The following TGM5 variants were observed in gnomAD, a reference collection of about 807,000 sequenced individuals.
The protein encoded by TGM5 is protein-glutamine gamma-glutamyltransferase 5.
A neutral mutation model predicts 77.2 loss-of-function variants in TGM5; 69 were observed. That is an observed-to-expected ratio of 0.89 (90% CI 0.74 to 1.09). The LOEUF is 1.09. Ranked by LOEUF, TGM5 falls within the 50% of genes least tolerant of loss-of-function variation. The pLI, the probability that TGM5 is intolerant of heterozygous loss-of-function variation, is 0.00. For missense variants in TGM5, 842 were observed against 896.5 expected, an observed-to-expected ratio of 0.94 and a Z score of 0.78; for synonymous variants, 346 against 351.8, an observed-to-expected ratio of 0.98 and a Z score of 0.18.
At chr15:43,245,086 T>C (rs2042661739) in intron 6 of TGM5, among the ~76,000 whole-genome samples, 1 of 151,640 alleles carries the variant, frequency 6.6e-6, no homozygotes, top group South Asian at 2.1e-4. Context: ...CTGTCTAAAA[T>C]AAAATAAAAT....
intron 11 of TGM5, 148 bp from the exon 12 acceptor site, chr15:43,233,835 G>A (rs1381215989): frequency 1.0e-6 from 1 of 982,460 alleles, no homozygotes; most frequent in African/African-American, 1.6e-5. Flanking sequence ...GAAGACAATT[G>A]AGAAGAAGCA....
rs762406797 is a variant in TGM5 at position 43,235,694 on chromosome 15, G to A, written c.1489C>T (p.Pro497Ser). 6 of 1,614,210 alleles carry A rather than the reference G, an allele frequency of 3.7e-6. 1 individual carries two copies. In the South Asian group the frequency reaches 4.4e-5, roughly 12 times the overall value. The change falls in exon 10 of 13, where the codon CCT (proline) becomes TCT (serine). Residue 497 changes from proline to serine, a missense_variant. Pro to Ser is a moderately conservative substitution (Grantham distance 74). This residue lies in a region of TGM5 where 815 missense variants were observed against 844.6 expected (regional missense o/e 0.96). Coordinates refer to ENST00000220420, the MANE Select transcript of TGM5 (RefSeq NM_201631.4). ...SQDSPRSLHT[P>S]SLRPSDVVQV... ...ACCACATCACTGGGTCGAAGGGAAG[G>A]TGTATGCAGGCTCCGAGGGCTGTCC...
At chr15:43,239,511 GTC>G in intron 7 of TGM5, 1 of 525,530 alleles carries the variant, frequency 1.9e-6, no homozygotes, top group Non-Finnish European at 3.4e-6. Flanking sequence ...GGAAGATCTC[GTC>G]TCAAAAAAAA....
intron 9 of TGM5, 78 bp downstream of exon 9, chr15:43,238,739 G>C: frequency 6.3e-7 from 1 of 1,579,946 alleles, no homozygotes; most frequent in South Asian, 1.1e-5. Flanking sequence ...CTGCCTCGCA[G>C]ATGCTCTCTG....
At position 43,253,429 on chromosome 15, in the gene TGM5, C is replaced by T. The variant is rs531521424; in HGVS notation, c.684+77G>A. 10 of 1,594,218 alleles carry T rather than the reference C, an allele frequency of 6.3e-6. No homozygotes were observed. The East Asian group carries it at 2.2e-4, about 36-fold the overall frequency. On this transcript the variant is annotated intron_variant, in intron 5 of 12. Coordinates refer to ENST00000220420, the MANE Select transcript of TGM5 (RefSeq NM_201631.4). Reference sequence around the variant, plus strand: ...TGCCAGAGGGTCCCTCTTTCACCCACTGCAGGGGGCAACTGTGAGTGGGCA... The same window carrying T: ...TGCCAGAGGGTCCCTCTTTCACCCATTGCAGGGGGCAACTGTGAGTGGGCA...
At chr15:43,235,918 A>T (rs1282556384) in intron 9 of TGM5, 81 bp from the exon 10 acceptor site, 1 of 1,584,216 alleles carries the variant, frequency 6.3e-7, no homozygotes, top group Non-Finnish European at 8.6e-7. Flanking sequence ...CCCCCACCCA[A>T]TATCTCCACC....
At chr15:43,261,422 C>G (rs1451559680) in intron 1 of TGM5, among the ~76,000 whole-genome samples, 3 of 152,192 alleles carry the variant, frequency 2.0e-5, no homozygotes, top group Non-Finnish European at 4.4e-5. Flanking sequence ...TCTGCTGGCT[C>G]TCTGACCACC....
At chr15:43,238,045 G>T (rs1457595039) in intron 9 of TGM5, among the ~76,000 whole-genome samples, 1 of 152,170 alleles carries the variant, frequency 6.6e-6, no homozygotes, top group Non-Finnish European at 1.5e-5. Flanking sequence ...CCCAGGTGGG[G>T]AATTCTGGAG....
In TGM5 at chr15:43,248,089, A is replaced by G. The variant is rs534001982; in HGVS notation, c.862+4670T>C. On this transcript the variant is annotated intron_variant, in intron 6 of 12. Transcript: ENST00000220420. The stretch of plus-strand genomic sequence containing the variant: ...TGAAATGAGGAATATAGTTAACTCT[A>G]AACATTCCAAGAAAGAAAGGAAATA... Among the ~76,000 whole-genome samples, 5 of 152,354 alleles carry G rather than the reference A, an allele frequency of 3.3e-5. No individual in the cohort carries two copies. The South Asian group carries it at 1.0e-3, about 32-fold the overall frequency.
chr15:43,235,347 C>T, intron 10 of TGM5, 122 bp downstream of exon 10: 1 of 1,366,934 alleles, frequency 7.3e-7, no homozygotes. Flanking sequence ...GGGAATCGTG[C>T]CAGAGGGGAC....
intron 1 of TGM5, among the ~76,000 whole-genome samples, chr15:43,261,317 C>G (rs2042789411): frequency 6.6e-6 from 1 of 152,002 alleles, no homozygotes; most frequent in South Asian, 2.1e-4. Flanking sequence ...TCTGGATCTC[C>G]TGACCTCGTG....
rs1287416392 is a variant in TGM5, at chr15:43,260,497, C to A, written c.93G>T (p.Leu31=). The A allele has an allele frequency of 6.2e-7, 1 of 1,614,074 alleles. No individual in the cohort carries two copies. Among genetic ancestry groups the A allele is most frequent in the Non-Finnish European group, 8.5e-7 (1 of 1,180,036 alleles). The change falls in exon 2 of 13, where the codon CTG becomes CTT. Residue 31 remains leucine, a synonymous_variant. Coordinates refer to ENST00000220420, the MANE Select transcript of TGM5 (RefSeq NM_201631.4). ...HHTEEITVDH[L]LVRRGQAFNL... ...TGAAGGCCTGGCCCCGGCGAACAAG[C>A]AGGTGGTCCACAGTGATCTCCTCCG...
In TGM5 at chr15:43,253,493, C is replaced by A; in HGVS notation, c.684+13G>T. On this transcript the variant is annotated intron_variant, in intron 5 of 12. Transcript: ENST00000220420. ...ACAGCTTCCTCCCTCCCCGGGCACG[C>A]CAGGGACCTCACCATGGCACACACC... is the stretch of plus-strand genomic sequence containing the variant. 6.2e-7 allele frequency: 1 copy of A among 1,610,294 alleles called. No individual in the cohort carries two copies. Among genetic ancestry groups the A allele is most frequent in the Non-Finnish European group, 8.5e-7 (1 of 1,179,998 alleles).
rs1361845787 is a variant in TGM5, at chr15:43,238,917, C to T, written c.1245G>A (p.Lys415=). 2 of 1,614,212 alleles carry T rather than the reference C, an allele frequency of 1.2e-6. No individual in the cohort carries two copies. The highest frequency in any genetic ancestry group is 1.7e-5 in the Admixed American group (1 of 60,028). ...CAACAGAACTCGTGTCCTGGTGAAGCTTCTGCTCCTTCCCTCCCTGGACGA... is the reference window on the plus strand; with the variant it reads ...CAACAGAACTCGTGTCCTGGTGAAGTTTCTGCTCCTTCCCTCCCTGGACGA... The part of the protein sequence containing the change: ...SWLVQGGKEQ[K]LHQDTSSVGN... Residue 415 remains lysine, a synonymous_variant, in exon 9 of 13, where the codon AAG becomes AAA. Coordinates refer to ENST00000220420, the MANE Select transcript of TGM5 (RefSeq NM_201631.4).
chr15:43,257,845 T>C (rs1244368412), intron 3 of TGM5, among the ~76,000 whole-genome samples: 2 of 152,134 alleles, frequency 1.3e-5, no homozygotes, highest in East Asian at 1.9e-4. Flanking sequence ...CCATCAATGA[T>C]AGACTGGATT....
At position 43,253,638 on chromosome 15, in the gene TGM5, C is replaced by T. The variant is rs759999004; in HGVS notation, c.556-4G>A. Reference sequence around the variant, plus strand: ...TGTCTATGATTTTGTCTTCAAACTTCGGGGGGAGAGGCAGAGAGGGAAGGC... The same window carrying T: ...TGTCTATGATTTTGTCTTCAAACTTTGGGGGGAGAGGCAGAGAGGGAAGGC... On this transcript the variant is annotated splice_region_variant and splice_polypyrimidine_tract_variant and intron_variant, in intron 4 of 12. Coordinates refer to ENST00000220420, the MANE Select transcript of TGM5 (RefSeq NM_201631.4). The T allele has an allele frequency of 1.2e-5, 19 of 1,612,288 alleles. No individual in the cohort carries two copies. In the East Asian group the frequency reaches 1.6e-4, roughly 13 times the overall value.
intron 9 of TGM5, 149 bp downstream of exon 9, chr15:43,238,668 G>C (rs1396771516): frequency 8.0e-7 from 1 of 1,243,632 alleles, no homozygotes; most frequent in Non-Finnish European, 1.1e-6. Flanking sequence ...AAGTGAGGCT[G>C]TGAGGCCACC....
At position 43,233,249 on chromosome 15, in the gene TGM5, C is replaced by T. The variant is rs753958560; in HGVS notation, c.2105G>A (p.Ser702Asn). 6.2e-7 allele frequency: 1 copy of T among 1,614,080 alleles called. No homozygotes were observed. Among genetic ancestry groups the T allele is most frequent in the Non-Finnish European group, 8.5e-7 (1 of 1,180,048 alleles). ...ACCCTTAATGTCCTTAAACTTGTTG[C>T]TTCTCATATTAGCTTGGATCTGCCT... ...GQRQIQANMR[S>N]NKFKDIKGYR... Residue 702 changes from serine to asparagine, a missense_variant, in exon 13 of 13, where the codon AGC (serine) becomes AAC (asparagine). Around this residue, in one of 2 missense-constraint regions of TGM5, gnomAD observed 27 missense variants for 51.8 expected, o/e 0.52. Transcript: ENST00000220420.
Position 43,233,330 on chromosome 15 carries a change from T to C in TGM5, c.2024A>G (p.Lys675Arg). 6.2e-7 allele frequency: 1 copy of C among 1,613,882 alleles called. No individual in the cohort carries two copies. Among genetic ancestry groups the C allele is most frequent in the Non-Finnish European group, 8.5e-7 (1 of 1,180,024 alleles). ...KQQKVFLGVL[K>R]PQHQASIILE... ...AATGATGCTTGCTTGGTGTTGGGGT[T>C]TGAGGACTCCAAGGCTGCAACAGAG... The change falls in exon 13 of 13, where the codon AAA becomes AGA. Residue 675 changes from lysine to arginine, a missense_variant. Lys to Arg is a conservative substitution (Grantham distance 26). Around this residue, in one of 2 missense-constraint regions of TGM5, gnomAD observed 815 missense variants for 844.6 expected, o/e 0.96. Transcript: ENST00000220420.
Sources: allele counts gnomAD v4.1 joint callset (sites outside exome capture counted in the v4.1 genomes callset), GRCh38; gene constraint gnomAD v4.1.1; regional missense constraint gnomAD v4.1.1; transcripts MANE v1.5; gene names NCBI Gene and HGNC (gene_info 2026-07-23, HGNC 2026-07-21).